Variants in PALM2AKAP2 observed in about 807,000 individuals in gnomAD.
PALM2AKAP2 encodes the protein PALM2-AKAP2 fusion protein.
In PALM2AKAP2, 37 loss-of-function variants were observed where a neutral mutation model predicts 71.5. That is an observed-to-expected ratio of 0.52 (90% CI 0.40 to 0.68). The LOEUF is 0.68. Ranked by LOEUF, PALM2AKAP2 falls within the 30% of genes least tolerant of loss-of-function variation. PALM2AKAP2 has a pLI of 0.00. For synonymous variants in PALM2AKAP2, 468 were observed against 478.8 expected, an observed-to-expected ratio of 0.98 and a Z score of 0.29; for missense variants, 1,224 against 1,191.8, an observed-to-expected ratio of 1.03 and a Z score of -0.40.
At chr9:109,920,011 G>C (rs937290157) in intron 3 of PALM2AKAP2, among the ~76,000 whole-genome samples, 4 of 152,166 alleles carry the variant, frequency 2.6e-5, no homozygotes, top group African/African-American at 9.7e-5. Context: ...AGGGCACACT[G>C]TGCCTATCTA....
chr9:109,962,661 AAGAC>A (rs1377862262), intron 6 of PALM2AKAP2, among the ~76,000 whole-genome samples: 1 of 145,382 alleles, frequency 6.9e-6, no homozygotes, highest in Non-Finnish European at 1.5e-5. Context: ...TTTTTTTTGT[AAGAC>A]AGAGTCTTAC....
chr9:109,773,301 A>C (rs1829299865), intron 1 of PALM2AKAP2, among the ~76,000 whole-genome samples: 1 of 151,884 alleles, frequency 6.6e-6, no homozygotes, highest in Admixed American at 6.6e-5. Context: ...ACACCTGGCT[A>C]ATTTAAATTT....
At chr9:109,977,298 A>G (rs775278462) in intron 6 of PALM2AKAP2, among the ~76,000 whole-genome samples, 1 of 152,214 alleles carries the variant, frequency 6.6e-6, no homozygotes, top group Non-Finnish European at 1.5e-5. Flanking sequence ...AGTGAGAAAC[A>G]TTCAACCTCC....
upstream of PALM2AKAP2, among the ~76,000 whole-genome samples, chr9:110,044,598 C>G (rs1268820418): frequency 4.6e-5 from 7 of 151,532 alleles, no homozygotes; most frequent in African/African-American, 1.4e-4. Context: ...GTGATCCACC[C>G]GCTTCGGCCT....
At chr9:110,070,557 A>G (rs1415912566) in intron 1 of PALM2AKAP2, among the ~76,000 whole-genome samples, 2 of 152,182 alleles carry the variant, frequency 1.3e-5, no homozygotes, top group East Asian at 3.8e-4. Flanking sequence ...GGACTGAGAA[A>G]AGTATAAGTT....
intron 3 of PALM2AKAP2, among the ~76,000 whole-genome samples, chr9:110,166,087 G>T (rs16914837): frequency 0.054 from 8,146 of 152,192 alleles, 582 homozygotes; most frequent in African/African-American, 0.16. Flanking sequence ...CGCCCTATTT[G>T]TATGCCACTT....
At chr9:109,683,902 T>C (rs1477008901) in intron 1 of PALM2AKAP2, among the ~76,000 whole-genome samples, 1 of 152,082 alleles carries the variant, frequency 6.6e-6, no homozygotes, top group Non-Finnish European at 1.5e-5. Context: ...GGTTATATTA[T>C]AACTGATAAT....
chr9:109,726,516 T>C (rs753334267), intron 1 of PALM2AKAP2, among the ~76,000 whole-genome samples: 1 of 152,244 alleles, frequency 6.6e-6, no homozygotes, highest in African/African-American at 2.4e-5. Context: ...ATTCCAGAGA[T>C]TCTGTGAGTG....
intron 7 of PALM2AKAP2, among the ~76,000 whole-genome samples, chr9:110,041,167 T>C (rs1044941090): frequency 3.3e-5 from 5 of 152,152 alleles, no homozygotes; most frequent in Non-Finnish European, 7.4e-5. Context: ...ACCAGGGGAC[T>C]CTGTCCTCTG....
chr9:109,819,691 A>G (rs1288270568), intron 1 of PALM2AKAP2, among the ~76,000 whole-genome samples: 9 of 145,810 alleles, frequency 6.2e-5, no homozygotes, highest in African/African-American at 2.4e-4. Context: ...AGGCCTAATT[A>G]TGTGTGTGTG....
At chr9:110,126,868 T>A (rs1393987169) in intron 1 of PALM2AKAP2, among the ~76,000 whole-genome samples, 2 of 152,194 alleles carry the variant, frequency 1.3e-5, no homozygotes, top group East Asian at 1.9e-4. Context: ...CCACTGACTT[T>A]TCAGCAGGGC....
chr9:109,835,584 C>T (rs951437331), intron 1 of PALM2AKAP2, among the ~76,000 whole-genome samples: 1 of 152,244 alleles, frequency 6.6e-6, no homozygotes, highest in East Asian at 1.9e-4. Context: ...GGCGAGGCAT[C>T]GCCTCACCCA....
At chr9:110,036,099 A>G (rs1448824316) in intron 7 of PALM2AKAP2, among the ~76,000 whole-genome samples, 1 of 151,598 alleles carries the variant, frequency 6.6e-6, no homozygotes, top group Non-Finnish European at 1.5e-5. Flanking sequence ...ACGCCCGGCT[A>G]GTTTTTTTGG....
chr9:109,655,241 C>A lies in PALM2AKAP2; in HGVS notation c.5+14375C>A, dbSNP rs146195230. Among the ~76,000 whole-genome samples the A allele has an allele frequency of 5.9e-3, 873 of 147,258 alleles. 11 individuals carry two copies. The highest frequency in any genetic ancestry group is 0.021 in the African/African-American group (829 of 39,680). ...AACCTGGGAGGTGGAGCTTGCACCG[C>A]GTGAGCCGAGATCGGCCACTGCACT... On this transcript the variant is annotated intron_variant, in intron 1 of 6. Coordinates refer to the PALM2AKAP2 transcript ENST00000374531.
chr9:109,726,256 T>C (rs1828475005), intron 1 of PALM2AKAP2, among the ~76,000 whole-genome samples: 1 of 152,182 alleles, frequency 6.6e-6, no homozygotes, highest in Admixed American at 6.5e-5. Flanking sequence ...CAGAAGCTAG[T>C]GACTGAAAGC....
intron 6 of PALM2AKAP2, among the ~76,000 whole-genome samples, chr9:110,002,867 T>C (rs1249034455): frequency 1.3e-5 from 2 of 152,176 alleles, no homozygotes; most frequent in Non-Finnish European, 2.9e-5. Flanking sequence ...TCTGTAGGAT[T>C]GGTGGTGATA....
At chr9:109,675,006 A>T (rs1827629383) in intron 1 of PALM2AKAP2, among the ~76,000 whole-genome samples, 1 of 152,062 alleles carries the variant, frequency 6.6e-6, no homozygotes, top group Non-Finnish European at 1.5e-5. Flanking sequence ...GATACTCAAC[A>T]TTTTGTTATA....
At chr9:109,973,138 C>G (rs1378094747) in intron 6 of PALM2AKAP2, among the ~76,000 whole-genome samples, 2 of 152,108 alleles carry the variant, frequency 1.3e-5, no homozygotes, top group Non-Finnish European at 2.9e-5. Flanking sequence ...TTTTTTATGC[C>G]ACAAAGTGCC....
intron 6 of PALM2AKAP2, among the ~76,000 whole-genome samples, chr9:110,011,621 CTTCCTA>C (rs777056845): frequency 3.9e-5 from 6 of 152,204 alleles, no homozygotes; most frequent in Non-Finnish European, 7.3e-5. Context: ...GTATAAACAT[CTTCCTA>C]TAAAGAAGTG....
Sources: gnomAD v4.1 joint callset for allele counts (sites outside exome capture counted in the v4.1 genomes callset) on GRCh38, gnomAD v4.1.1 for gene constraint, MANE v1.5 for transcripts, NCBI Gene and HGNC (gene_info 2026-07-23, HGNC 2026-07-21) for gene names.